The following LMBR1 variants were observed in gnomAD, a reference collection of about 807,000 sequenced individuals.
The protein encoded by LMBR1 is limb region 1 protein homolog.
A neutral mutation model predicts 73.9 loss-of-function variants in LMBR1; 52 were observed. The ratio of observed to expected loss-of-function variants is 0.70; its 90% confidence interval spans 0.56 to 0.89. The LOEUF (loss-of-function observed/expected upper bound fraction) is 0.89, where lower values mean the gene tolerates loss of function less well. LMBR1 is among the 40% of genes least tolerant of loss of function. The probability of loss-of-function intolerance (pLI) is 0.00; values close to 1 mark genes in which losing one functional copy is unlikely to be tolerated. For missense variants in LMBR1, 539 were observed against 579.8 expected, an observed-to-expected ratio of 0.93 and a Z score of 0.72; for synonymous variants, 215 against 209.4, an observed-to-expected ratio of 1.03 and a Z score of -0.23.
chr7:156,892,758 G>A (rs1193016345), intron 1 of LMBR1, among the ~76,000 whole-genome samples, 170 bp downstream of exon 1: 9 of 133,890 alleles, frequency 6.7e-5, no homozygotes, highest in African/African-American at 2.5e-4. Context: ...GGGGAGGGAA[G>A]GGGAGGGGAG....
intron 12 of LMBR1, among the ~76,000 whole-genome samples, chr7:156,727,355 TG>T (rs890177625): frequency 5.3e-5 from 8 of 152,306 alleles, no homozygotes; most frequent in Middle Eastern, 3.4e-3. Context: ...GCTTGGGACT[TG>T]TTTTGTTGGT....
At position 156,848,063 on chromosome 7, in the gene LMBR1, TA is replaced by T. The variant is rs1363349284; in HGVS notation, c.67-11179del. Among the ~76,000 whole-genome samples, 711 of 139,370 alleles carry T rather than the reference TA, an allele frequency of 5.1e-3. 3 individuals are homozygous for T. The highest frequency in any genetic ancestry group is 7.4e-3 in the African/African-American group (280 of 38,090). 91.4% of individuals were successfully genotyped at this position (139,370 alleles called of 152,430 possible). A position where few individuals can be genotyped will look rare whatever the true frequency, so the allele number is the denominator to read the frequency against. The stretch of plus-strand genomic sequence containing the variant: ...TAAAATGTAGAAGATCATTCAACAC[TA>T]AAAAAAAAAAAATGCAAAAGATGGA... On this transcript the variant is annotated intron_variant, in intron 1 of 16. Coordinates refer to ENST00000353442, the MANE Select transcript of LMBR1 (RefSeq NM_022458.4).
chr7:156,781,179 T>C (rs1212480918), intron 5 of LMBR1, among the ~76,000 whole-genome samples: 1 of 152,178 alleles, frequency 6.6e-6, no homozygotes, highest in Non-Finnish European at 1.5e-5. Flanking sequence ...CAGTGAAACA[T>C]AAAAGATATT....
At chr7:156,776,703 T>A (rs1176321101) in intron 5 of LMBR1, among the ~76,000 whole-genome samples, 3 of 152,180 alleles carry the variant, frequency 2.0e-5, no homozygotes, top group Non-Finnish European at 4.4e-5. Flanking sequence ...TGAATTTTGA[T>A]GATGAGCCAG....
At chr7:156,773,032 T>A (rs376197394) in intron 5 of LMBR1, among the ~76,000 whole-genome samples, 1 of 152,028 alleles carries the variant, frequency 6.6e-6, no homozygotes, top group African/African-American at 2.4e-5. Flanking sequence ...ATAAAATCCA[T>A]GTACAAAAAT....
At chr7:156,707,568 C>T (rs58202369) in intron 15 of LMBR1, among the ~76,000 whole-genome samples, 24,088 of 152,120 alleles carry the variant, frequency 0.16, 2,551 homozygotes, top group African/African-American at 0.3. Flanking sequence ...GTTCAACATA[C>T]ACAGTCAGTA....
chr7:156,881,696 T>C (rs1258846554), intron 1 of LMBR1, among the ~76,000 whole-genome samples: 1 of 151,456 alleles, frequency 6.6e-6, no homozygotes, highest in Non-Finnish European at 1.5e-5. Flanking sequence ...TCTAAAGACA[T>C]ACAAACAGCC....
intron 4 of LMBR1, among the ~76,000 whole-genome samples, chr7:156,800,315 C>G (rs1278151487): frequency 6.6e-6 from 1 of 152,040 alleles, no homozygotes; most frequent in East Asian, 1.9e-4. Flanking sequence ...TAAGTTGAAG[C>G]CAGTGCTCAT....
intron 4 of LMBR1, among the ~76,000 whole-genome samples, chr7:156,807,954 A>G (rs764268130): frequency 1.3e-5 from 2 of 152,130 alleles, no homozygotes; most frequent in Non-Finnish European, 2.9e-5. Context: ...TCTGACACTT[A>G]TTTAATTTCA....
At chr7:156,822,391 T>G (rs1040467906) in intron 4 of LMBR1, 3 of 152,198 alleles carry the variant, frequency 2.0e-5, no homozygotes, top group African/African-American at 7.2e-5. Flanking sequence ...ATGCTCAAGG[T>G]TGCTAAGGGT....
intron 1 of LMBR1, among the ~76,000 whole-genome samples, chr7:156,892,199 A>G: frequency 6.6e-6 from 1 of 152,250 alleles, no homozygotes. Context: ...TTCCATAGCA[A>G]AATGGACTTT....
At chr7:156,833,282 C>T (rs1837002805) in intron 3 of LMBR1, among the ~76,000 whole-genome samples, 1 of 152,194 alleles carries the variant, frequency 6.6e-6, no homozygotes, top group African/African-American at 2.4e-5. Context: ...CGCTGCTTTC[C>T]ATTCAGTTTG....
At chr7:156,827,391 GAAGAA>G (rs1417222913) in intron 3 of LMBR1, among the ~76,000 whole-genome samples, 4 of 151,926 alleles carry the variant, frequency 2.6e-5, no homozygotes, top group African/African-American at 9.7e-5. Flanking sequence ...ACAAAATAAT[GAAGAA>G]AAGCATGGAC....
intron 4 of LMBR1, among the ~76,000 whole-genome samples, chr7:156,803,314 AAAC>A (rs1831357513): frequency 1.3e-5 from 2 of 151,272 alleles, no homozygotes; most frequent in African/African-American, 2.4e-5. Flanking sequence ...GGAAAAAAAC[AAAC>A]AACCCCATCA....
At chr7:156,837,335 CAAA>C (rs61161222) in intron 1 of LMBR1, among the ~76,000 whole-genome samples, 4 of 101,696 alleles carry the variant, frequency 3.9e-5, no homozygotes, top group Admixed American at 9.7e-5. Context: ...GACTCCATCT[CAAA>C]AAAAAAAAAA....
At chr7:156,672,869 A>C (rs1323181026), downstream of LMBR1, among the ~76,000 whole-genome samples, 1 of 152,244 alleles carries the variant, frequency 6.6e-6, no homozygotes, top group African/African-American at 2.4e-5. Context: ...ATAACTTTGC[A>C]TATTTAAAAA....
At chr7:156,848,930 C>CAAAA (rs4019953) in intron 1 of LMBR1, among the ~76,000 whole-genome samples, 1 of 111,666 alleles carries the variant, frequency 9.0e-6, no homozygotes, top group Non-Finnish European at 1.9e-5. Flanking sequence ...GACTCTGTCT[C>CAAAA]AAAAAAAAAA....
intron 5 of LMBR1, among the ~76,000 whole-genome samples, chr7:156,783,588 G>C (rs939901717): frequency 6.6e-6 from 1 of 152,008 alleles, no homozygotes; most frequent in African/African-American, 2.4e-5. Context: ...TATTATAATT[G>C]ATTTTCAGTT....
intron 1 of LMBR1, among the ~76,000 whole-genome samples, chr7:156,891,231 TATACAC>T (rs1301306339): frequency 2.9e-4 from 23 of 78,978 alleles, no homozygotes; most frequent in African/African-American, 4.7e-4. Flanking sequence ...TATATATATA[TATACAC>T]ACACACACAC....
Sources: allele counts gnomAD v4.1 joint callset (sites outside exome capture counted in the v4.1 genomes callset), GRCh38; gene constraint gnomAD v4.1.1; transcripts MANE v1.5; gene names NCBI Gene and HGNC (gene_info 2026-07-23, HGNC 2026-07-21).